RNF182: variants seen among roughly 807,000 people sequenced by gnomAD.
RNF182 encodes ring finger protein 182.
Under a neutral mutation model 14.4 loss-of-function variants are expected in RNF182, and 15 were observed. The observed-to-expected ratio is 1.04, with a 90% CI of 0.70 to 1.60. The LOEUF (loss-of-function observed/expected upper bound fraction) is 1.60. RNF182 is among the 40% of genes most tolerant of loss of function. The probability of loss-of-function intolerance (pLI) is 0.00; values close to 1 mark genes in which losing one functional copy is unlikely to be tolerated. For missense variants in RNF182, 268 were observed against 294.8 expected, an observed-to-expected ratio of 0.91 and a Z score of 0.67; for synonymous variants, 128 against 122.9, an observed-to-expected ratio of 1.04 and a Z score of -0.27.
intron 1 of RNF182, chr6:13,925,338 T>A (rs1158578476): frequency 6.6e-6 from 1 of 152,008 alleles, no homozygotes; most frequent in African/African-American, 2.4e-5. Flanking sequence ...CTTCTTGGCG[T>A]GCCATCGAGG....
At chr6:13,935,304 C>CTTTTTTTT (rs35600837) in intron 1 of RNF182, among the ~76,000 whole-genome samples, 1 of 150,014 alleles carries the variant, frequency 6.7e-6, no homozygotes, top group Non-Finnish European at 1.5e-5. Context: ...GAAACAATGT[C>CTTTTTTTT]TTTTTTTTTT....
chr6:13,978,778 T>G lies in RNF182; in HGVS notation c.*915T>G, dbSNP rs530725030. 6.0e-6 allele frequency: 1 copy of G among 167,102 alleles called. No individual in the cohort carries two copies. Among genetic ancestry groups the G allele is most frequent in the African/African-American group, 2.4e-5 (1 of 41,464 alleles). The allele number at this position is 167,102 out of a possible 1,614,324, so 10.4% of individuals were successfully genotyped here. The stretch of plus-strand genomic sequence containing the variant: ...AATTCATCAATACTTTTTTTCCCTA[T>G]TATATTTTTGGTTCTATTAGGATTT... On this transcript the variant is annotated 3_prime_UTR_variant, in exon 3 of 3. Transcript: ENST00000488300.
intron 1 of RNF182, among the ~76,000 whole-genome samples, chr6:13,934,348 C>G (rs1469841852): frequency 6.6e-6 from 1 of 152,150 alleles, no homozygotes; most frequent in Non-Finnish European, 1.5e-5. Context: ...TAGGCCGTGC[C>G]CACCAGTGTT....
Position 13,977,713 on chromosome 6 carries a change from C to G in RNF182, c.594C>G (p.Pro198=). ...LLGLLYFSSL[P]LGIYLLVSKK... ...GTTTGCTCTACTTCAGCTCCTTACC[C>G]TTAGGAATCTACTTACTGGTGTCTA... is the stretch of plus-strand genomic sequence containing the variant. Residue 198 remains proline, a synonymous_variant, in exon 3 of 3, where the codon CCC becomes CCG. Transcript: ENST00000488300. 1.2e-6 allele frequency: 2 copies of G among 1,614,174 alleles called. No individual in the cohort carries two copies. Among genetic ancestry groups the G allele is most frequent in the Non-Finnish European group, 1.7e-6 (2 of 1,180,026 alleles).
chr6:13,950,969 G>A (rs1376760198), intron 1 of RNF182, among the ~76,000 whole-genome samples: 1 of 151,614 alleles, frequency 6.6e-6, no homozygotes, highest in African/African-American at 2.4e-5. Context: ...GCTAACTTTT[G>A]TATATTTAGT....
intron 1 of RNF182, among the ~76,000 whole-genome samples, chr6:13,955,635 G>GGGA (rs1258742890): frequency 6.6e-6 from 1 of 152,172 alleles, no homozygotes; most frequent in Non-Finnish European, 1.5e-5. Flanking sequence ...GCAACCACAG[G>GGGA]GCCCTTGATG....
chr6:13,941,897 T>G (rs1420679727), intron 1 of RNF182, among the ~76,000 whole-genome samples: 1 of 152,192 alleles, frequency 6.6e-6, no homozygotes, highest in Non-Finnish European at 1.5e-5. Flanking sequence ...TATTGCTGTT[T>G]TATACAGTTA....
At position 13,977,614 on chromosome 6, in the gene RNF182, A is replaced by G. The variant is rs1296914458; in HGVS notation, c.495A>G (p.Ser165=). 6.2e-7 allele frequency: 1 copy of G among 1,614,080 alleles called. No homozygotes were observed. The highest frequency in any genetic ancestry group is 8.5e-7 in the Non-Finnish European group (1 of 1,180,038). Residue 165 remains serine, a synonymous_variant, in exon 3 of 3, where the codon TCA becomes TCG. Transcript: ENST00000488300. ...PASFDSVTTV[S]HNWTVWNCTS... ...GTTTCGACTCTGTCACCACTGTGTC[A>G]CACAACTGGACTGTGTGGAACTGCA...
chr6:13,972,550 C>T (rs1760217162), intron 1 of RNF182, among the ~76,000 whole-genome samples: 3 of 152,188 alleles, frequency 2.0e-5, no homozygotes, highest in South Asian at 2.1e-4. Context: ...TTTTGTGGGC[C>T]GGACCTAGGG....
intron 1 of RNF182, among the ~76,000 whole-genome samples, chr6:13,948,647 G>A (rs1053272711): frequency 6.6e-6 from 1 of 152,074 alleles, no homozygotes; most frequent in African/African-American, 2.4e-5. Flanking sequence ...AAGTCTTTAG[G>A]TCCTACTTAA....
intron 1 of RNF182, among the ~76,000 whole-genome samples, chr6:13,973,951 C>T (rs548947306): frequency 1.4e-4 from 22 of 152,150 alleles, no homozygotes; most frequent in Admixed American, 5.2e-4. Context: ...CACTGAACAT[C>T]ATGATTGTTG....
intron 1 of RNF182, chr6:13,949,111 T>A: frequency 1.3e-6 from 1 of 760,236 alleles, no homozygotes. Context: ...GCCACTGCCT[T>A]TGCCAGTGCA....
At chr6:13,929,998 G>T (rs1372069128) in intron 1 of RNF182, among the ~76,000 whole-genome samples, 1 of 152,088 alleles carries the variant, frequency 6.6e-6, no homozygotes, top group African/African-American at 2.4e-5. Flanking sequence ...GTTTTCCAAA[G>T]GTAGTTGTTC....
chr6:13,932,757 C>T (rs892967079), intron 1 of RNF182, among the ~76,000 whole-genome samples: 9 of 152,154 alleles, frequency 5.9e-5, no homozygotes, highest in African/African-American at 9.7e-5. Flanking sequence ...TTCTTTTAAA[C>T]GTTAAAAACA....
intron 1 of RNF182, among the ~76,000 whole-genome samples, chr6:13,934,343 C>G (rs1012206605): frequency 6.6e-6 from 1 of 152,136 alleles, no homozygotes; most frequent in Non-Finnish European, 1.5e-5. Context: ...AGCTTTAGGC[C>G]GTGCCCACCA....
chr6:13,964,539 C>T (rs1759967249), intron 1 of RNF182, among the ~76,000 whole-genome samples: 1 of 152,164 alleles, frequency 6.6e-6, no homozygotes, highest in Non-Finnish European at 1.5e-5. Flanking sequence ...CTCAATTCTA[C>T]TCTATCTGCC....
At chr6:13,930,630 G>A (rs1380214129) in intron 1 of RNF182, among the ~76,000 whole-genome samples, 1 of 152,168 alleles carries the variant, frequency 6.6e-6, no homozygotes, top group Non-Finnish European at 1.5e-5. Context: ...GCTTATTTAA[G>A]CTATGTGAAA....
At position 13,978,073 on chromosome 6, in the gene RNF182, C is replaced by A. The variant is rs1427777835; in HGVS notation, c.*210C>A. 10 of 539,390 alleles carry A rather than the reference C, an allele frequency of 1.9e-5. No homozygotes were observed. The Admixed American group carries it at 3.4e-4, about 18-fold the overall frequency. The allele number at this position is 539,390 out of a possible 1,614,324, so 33.4% of individuals were successfully genotyped here. A position where few individuals can be genotyped will look rare whatever the true frequency, so the allele number is the denominator to read the frequency against. ...AGGGGTTAGCAAAATTGTATAAGCT[C>A]ACACTTCATGGAGCACTGACAGCAG... On this transcript the variant is annotated 3_prime_UTR_variant, in exon 3 of 3. Coordinates refer to ENST00000488300, the MANE Select transcript of RNF182 (RefSeq NM_152737.4).
intron 1 of RNF182, among the ~76,000 whole-genome samples, chr6:13,937,306 CCTTT>C (rs1368804721): frequency 6.6e-6 from 1 of 152,174 alleles, no homozygotes; most frequent in African/African-American, 2.4e-5. Context: ...CCAAATCCTT[CCTTT>C]GCCTTTTTCA....
Sources: allele counts gnomAD v4.1 joint callset (sites outside exome capture counted in the v4.1 genomes callset), GRCh38; gene constraint gnomAD v4.1.1; transcripts MANE v1.5; gene names NCBI Gene and HGNC (gene_info 2026-07-23, HGNC 2026-07-21).